CDK14: variants seen among roughly 807,000 people sequenced by gnomAD.
CDK14 encodes the protein cyclin-dependent kinase 14.
Under a neutral mutation model 60.7 loss-of-function variants are expected in CDK14, and 34 were observed. The observed-to-expected ratio is 0.56, with a 90% CI of 0.43 to 0.75. The LOEUF is 0.75. Ranked by LOEUF, CDK14 falls within the 30% of genes least tolerant of loss-of-function variation. The pLI is 0.00. For missense variants in CDK14, 482 were observed against 564.1 expected, an observed-to-expected ratio of 0.85 and a Z score of 1.47; for synonymous variants, 197 against 203.7, an observed-to-expected ratio of 0.97 and a Z score of 0.28.
At chr7:90,659,837 TTCTCTCTCTC>T (rs58582287) in intron 2 of CDK14, among the ~76,000 whole-genome samples, 47 of 110,508 alleles carry the variant, frequency 4.3e-4, no homozygotes, top group East Asian at 2.6e-3. Flanking sequence ...CAGGGAATGC[TTCTCTCTCTC>T]TCTCTCTCTC....
rs1205637341 is a variant in CDK14, at chr7:90,726,596, C to T, written c.153C>T (p.Asn51=). The change falls in exon 3 of 15, where the codon AAC becomes AAT. Residue 51 remains asparagine (N), a synonymous_variant. Transcript: ENST00000380050. ...GTGTCACAAAGATGTCTACACGGAA[C>T]TGCCAGGGAATGGACTCAGTGATCA... is the stretch of plus-strand genomic sequence containing the variant. ...EICVTKMSTR[N]CQGMDSVIKP... 4 of 1,613,442 alleles carry T rather than the reference C, an allele frequency of 2.5e-6. No homozygotes were observed. Among genetic ancestry groups the T allele is most frequent in the Admixed American group, 3.3e-5 (2 of 59,906 alleles).
chr7:91,098,119 A>C (rs562882756), intron 12 of CDK14, among the ~76,000 whole-genome samples: 1 of 152,338 alleles, frequency 6.6e-6, no homozygotes, highest in South Asian at 2.1e-4. Flanking sequence ...CTTGCTTTAG[A>C]CATAAGCCGT....
chr7:91,061,370 T>C (rs1244935996), intron 11 of CDK14, among the ~76,000 whole-genome samples: 2 of 152,214 alleles, frequency 1.3e-5, no homozygotes, highest in Non-Finnish European at 2.9e-5. Flanking sequence ...TCAGAGTAGT[T>C]TGATCGTCTG....
intron 14 of CDK14, among the ~76,000 whole-genome samples, chr7:91,147,410 C>T (rs75507249): frequency 0.015 from 2,288 of 152,058 alleles, 21 homozygotes; most frequent in Middle Eastern, 0.027. Flanking sequence ...CTCATTATTT[C>T]CCCTCTTTAA....
chr7:90,692,071 T>A (rs1170632732), intron 2 of CDK14, among the ~76,000 whole-genome samples: 1 of 152,150 alleles, frequency 6.6e-6, no homozygotes, highest in East Asian at 1.9e-4. Flanking sequence ...GTATAAAAAA[T>A]AAAGGAAAAT....
intron 11 of CDK14, among the ~76,000 whole-genome samples, chr7:91,054,980 A>G (rs1797508783): frequency 6.6e-6 from 1 of 152,150 alleles, no homozygotes; most frequent in East Asian, 1.9e-4. Context: ...ACAGGCTACA[A>G]AAAGTCACGG....
intron 14 of CDK14, among the ~76,000 whole-genome samples, chr7:91,147,885 G>A (rs555522567): frequency 5.3e-5 from 8 of 152,048 alleles, no homozygotes; most frequent in South Asian, 2.1e-4. Flanking sequence ...AAATTAGCAC[G>A]TTTAACATTA....
At chr7:90,758,676 A>T (rs1311202809) in intron 4 of CDK14, among the ~76,000 whole-genome samples, 1 of 152,192 alleles carries the variant, frequency 6.6e-6, no homozygotes, top group Admixed American at 6.5e-5. Context: ...GGGAAACTTA[A>T]TCTTGAAGGG....
chr7:91,185,766 CTTTAAG>C (rs1000364259), intron 14 of CDK14, among the ~76,000 whole-genome samples: 140 of 151,848 alleles, frequency 9.2e-4, no homozygotes, highest in African/African-American at 3.1e-3. Context: ...AATTTAAATA[CTTTAAG>C]TTTAAAGCAG....
intron 9 of CDK14, among the ~76,000 whole-genome samples, chr7:90,959,371 T>C (rs1287397323): frequency 1.3e-5 from 2 of 152,314 alleles, no homozygotes; most frequent in East Asian, 3.9e-4. Context: ...TATCTTGTTA[T>C]TATCCTATAA....
intron 2 of CDK14, among the ~76,000 whole-genome samples, chr7:90,610,193 C>G (rs984742114): frequency 6.6e-6 from 1 of 152,166 alleles, no homozygotes; most frequent in Non-Finnish European, 1.5e-5. Context: ...GAACATCACT[C>G]TCTTGCTGGT....
At chr7:90,642,319 C>T (rs186974565) in intron 2 of CDK14, among the ~76,000 whole-genome samples, 2 of 152,238 alleles carry the variant, frequency 1.3e-5, no homozygotes, top group Admixed American at 1.3e-4. Flanking sequence ...TAAAAAAATG[C>T]AGTCTTAAAT....
chr7:90,826,373 C>T (rs553718937), intron 5 of CDK14, among the ~76,000 whole-genome samples: 1 of 152,106 alleles, frequency 6.6e-6, no homozygotes, highest in Non-Finnish European at 1.5e-5. Context: ...CGCCCACCCC[C>T]ACTCCCAGCT....
At chr7:91,086,014 A>C (rs1270416479) in intron 12 of CDK14, among the ~76,000 whole-genome samples, 1 of 152,130 alleles carries the variant, frequency 6.6e-6, no homozygotes, top group Non-Finnish European at 1.5e-5. Context: ...TGTAATTAAC[A>C]AGAGTTAAGG....
chr7:91,143,499 A>T (rs749329479), intron 14 of CDK14, among the ~76,000 whole-genome samples: 2 of 152,070 alleles, frequency 1.3e-5, no homozygotes, highest in Non-Finnish European at 2.9e-5. Context: ...AGGAGGGAGG[A>T]TCACTTGAGC....
rs114972128 is a variant in CDK14, at chr7:90,885,289, T to A, written c.640-14002T>A. ...AGTGGGCAAAGGATATGAACACTTCTCAAAGAAGACATTTACACGACCAAC... is the reference window on the plus strand; with the variant it reads ...AGTGGGCAAAGGATATGAACACTTCACAAAGAAGACATTTACACGACCAAC... On this transcript the variant is annotated intron_variant, in intron 6 of 14. Transcript: ENST00000380050. Among the ~76,000 whole-genome samples the A allele has an allele frequency of 7.0e-3, 1,069 of 152,016 alleles. 21 individuals are homozygous for A. The highest frequency in any genetic ancestry group is 0.024 in the African/African-American group (1,002 of 41,486).
chr7:90,907,685 G>T (rs118098454), intron 7 of CDK14, among the ~76,000 whole-genome samples: 165 of 152,098 alleles, frequency 1.1e-3, no homozygotes, highest in African/African-American at 3.7e-3. Context: ...TGAAGTATCC[G>T]CAATCCTATT....
At chr7:90,634,416 G>C (rs966793147) in intron 2 of CDK14, among the ~76,000 whole-genome samples, 9 of 151,368 alleles carry the variant, frequency 5.9e-5, no homozygotes, top group Non-Finnish European at 1.3e-4. Flanking sequence ...ATAGTTTACT[G>C]AGAATGATTT....
intron 2 of CDK14, among the ~76,000 whole-genome samples, chr7:90,670,911 A>T (rs946792144): frequency 1.3e-5 from 2 of 152,166 alleles, no homozygotes; most frequent in Non-Finnish European, 2.9e-5. Context: ...CCTTCTTAAT[A>T]GTCCCCCAAA....
Sources: allele counts gnomAD v4.1 joint callset (sites outside exome capture counted in the v4.1 genomes callset), GRCh38; gene constraint gnomAD v4.1.1; transcripts MANE v1.5; gene names NCBI Gene and HGNC (gene_info 2026-07-23, HGNC 2026-07-21).